CUX2: variants seen among roughly 807,000 people sequenced by gnomAD.
CUX2 encodes homeobox protein cut-like 2.
In CUX2, 40 loss-of-function variants were observed where a neutral mutation model predicts 144.8. The ratio of observed to expected loss-of-function variants is 0.28; its 90% CI spans 0.21 to 0.36. CUX2 has a LOEUF of 0.36. Ranked by LOEUF, CUX2 falls within the 10% of genes least tolerant of loss-of-function variation. CUX2 has a pLI of 1.00. For synonymous variants in CUX2, 827 were observed against 875.6 expected (o/e 0.94, Z 0.98); for missense variants, 1,615 against 1,994.0 (o/e 0.81, Z 3.62).
intron 18 of CUX2, among the ~76,000 whole-genome samples, chr12:111,333,447 C>T (rs1246122221): frequency 6.6e-6 from 1 of 152,106 alleles, no homozygotes; most frequent in African/African-American, 2.4e-5. Flanking sequence ...GATTCAAGAT[C>T]ACTTGTGTTT....
At position 111,214,190 on chromosome 12, in the gene CUX2, A is replaced by AT; in HGVS notation, c.64-8dup. 1.2e-6 allele frequency: 1 copy of AT among 853,474 alleles called. No homozygotes were observed. The allele number at this position is 853,474 out of a possible 1,614,324, so 52.9% of individuals were successfully genotyped here. On this transcript the variant is annotated splice_polypyrimidine_tract_variant and intron_variant, in intron 1 of 21. Transcript: ENST00000261726. Reference sequence around the variant, plus strand: ...CTCTCTCTCTTTTTTTTTTTTTTTTATTGTTCCAGAAGGAGCTTAATTCCG... The same window carrying AT: ...CTCTCTCTCTTTTTTTTTTTTTTTTATTTGTTCCAGAAGGAGCTTAATTCCG...
intron 1 of CUX2, among the ~76,000 whole-genome samples, chr12:111,115,830 A>G (rs932990753): frequency 1.9e-4 from 29 of 152,214 alleles, no homozygotes; most frequent in Admixed American, 1.9e-3. Flanking sequence ...CCACTAGACC[A>G]TAAGTTCCAT....
chr12:111,106,266 AC>A (rs1389359200), intron 1 of CUX2, among the ~76,000 whole-genome samples: 1 of 151,938 alleles, frequency 6.6e-6, no homozygotes, highest in Non-Finnish European at 1.5e-5. Flanking sequence ...TGCTGGGATT[AC>A]AGGCATGACC....
intron 4 of CUX2, among the ~76,000 whole-genome samples, chr12:111,264,851 GA>G (rs1422614142): frequency 6.6e-6 from 1 of 152,030 alleles, no homozygotes; most frequent in Non-Finnish European, 1.5e-5. Context: ...CATAGTGTAG[GA>G]TTTCATTTAC....
In CUX2 at chr12:111,340,360, T is replaced by C. The variant is rs564526212; in HGVS notation, c.3386-1420T>C. ...AGTAAGTCATTTAAGTTACTGTCCC[T>C]ACCTATTGCCCACTGAAGGCTGTTC... On this transcript the variant is annotated intron_variant, in intron 20 of 21. Coordinates refer to ENST00000261726, the MANE Select transcript of CUX2 (RefSeq NM_015267.4). 2.0e-5 allele frequency among the ~76,000 whole-genome samples: 3 copies of C among 152,286 alleles called. No individual in the cohort carries two copies. The East Asian group carries it at 5.8e-4, about 29-fold the overall frequency.
chr12:111,074,987 G>A (rs1333047730), intron 1 of CUX2, among the ~76,000 whole-genome samples: 2 of 152,194 alleles, frequency 1.3e-5, no homozygotes, highest in African/African-American at 2.4e-5. Context: ...GAGCCTTAGG[G>A]ATTCTGGGTT....
At position 111,246,845 on chromosome 12, in the gene CUX2, C is replaced by T. The variant is rs1883303943; in HGVS notation, c.223-16916C>T. On this transcript the variant is annotated intron_variant, in intron 3 of 21. Transcript: ENST00000261726. This position sits in a 1 kb window ranked among gnomAD's most constrained non-coding sequence, Gnocchi z 4.0. ...CCTCCTAGCTGTGCCCTGCAGGGTA[C>T]ATGACTCCGTCCTTGACTGTCCCTC... Among the ~76,000 whole-genome samples the T allele has an allele frequency of 6.6e-6, 1 of 152,160 alleles. No homozygotes were observed. Among genetic ancestry groups the T allele is most frequent in the South Asian group, 2.1e-4 (1 of 4,818 alleles).
rs1478205680 is a variant in CUX2 at position 111,186,569 on chromosome 12, A to T, written c.64-27631A>T. Among the ~76,000 whole-genome samples, 2 of 152,086 alleles carry T rather than the reference A, an allele frequency of 1.3e-5. No individual in the cohort carries two copies. The highest frequency in any genetic ancestry group is 2.9e-5 in the Non-Finnish European group (2 of 67,998). On this transcript the variant is annotated intron_variant, in intron 1 of 21. Transcript: ENST00000261726. This position sits in a 1 kb window ranked among gnomAD's most constrained non-coding sequence, Gnocchi z 4.4. Reference sequence around the variant, plus strand: ...AGGACCCATGGTTGCTGAGAGAGAGAAGGGCGACTCTGTGGCGTGAGGCTC... The same window carrying T: ...AGGACCCATGGTTGCTGAGAGAGAGTAGGGCGACTCTGTGGCGTGAGGCTC...
At chr12:111,197,212 G>C (rs1223973127) in intron 1 of CUX2, among the ~76,000 whole-genome samples, 1 of 152,206 alleles carries the variant, frequency 6.6e-6, no homozygotes, top group Non-Finnish European at 1.5e-5. Flanking sequence ...ACTGCTGTGA[G>C]GCTCAGAGAA....
rs570365515 is a variant in CUX2, at chr12:111,185,052, A to C, written c.64-29148A>C. On this transcript the variant is annotated intron_variant, in intron 1 of 21. Coordinates refer to ENST00000261726, the MANE Select transcript of CUX2 (RefSeq NM_015267.4). ...GCACTCCAGCCTGGGCTACAGAGTG[A>C]GACTCTGTCTCAAAAAAAAAGGCAC... Among the ~76,000 whole-genome samples the C allele has an allele frequency of 2.6e-5, 4 of 152,326 alleles. No homozygotes were observed. In the East Asian group the frequency reaches 5.8e-4, roughly 22 times the overall value.
At chr12:111,292,426 C>G (rs1250787898) in intron 5 of CUX2, among the ~76,000 whole-genome samples, 1 of 152,032 alleles carries the variant, frequency 6.6e-6, no homozygotes, top group Non-Finnish European at 1.5e-5. Flanking sequence ...CCTGTCTCTA[C>G]TAAAAATACA....
chr12:111,133,569 G>A (rs1875647053), intron 1 of CUX2, among the ~76,000 whole-genome samples: 1 of 152,158 alleles, frequency 6.6e-6, no homozygotes, highest in African/African-American at 2.4e-5. Context: ...CTCCCTTTGG[G>A]TCCCTCCCAC....
chr12:111,261,318 C>T (rs1452083381), intron 3 of CUX2, among the ~76,000 whole-genome samples: 2 of 152,142 alleles, frequency 1.3e-5, no homozygotes, highest in Admixed American at 1.3e-4. Context: ...ATAGTAAAAG[C>T]TTCTGGCACA....
intron 1 of CUX2, among the ~76,000 whole-genome samples, chr12:111,048,925 G>A (rs1189941609): frequency 3.9e-5 from 6 of 152,058 alleles, no homozygotes; most frequent in African/African-American, 1.2e-4. Flanking sequence ...GGAAGTAGCA[G>A]GGGTTGGGGG....
intron 1 of CUX2, among the ~76,000 whole-genome samples, chr12:111,117,342 A>G (rs1446665456): frequency 6.6e-6 from 1 of 152,214 alleles, no homozygotes; most frequent in Non-Finnish European, 1.5e-5. Context: ...TTAGGGACCC[A>G]GGCTGATGGT....
intron 1 of CUX2, among the ~76,000 whole-genome samples, chr12:111,137,823 C>T (rs1876011074): frequency 6.6e-6 from 1 of 152,230 alleles, no homozygotes; most frequent in Admixed American, 6.5e-5. Context: ...ACAGCCCACC[C>T]AGAATTTGCT....
intron 1 of CUX2, among the ~76,000 whole-genome samples, chr12:111,099,053 G>A (rs76708944): frequency 0.027 from 4,174 of 152,320 alleles, 187 homozygotes; most frequent in African/African-American, 0.094. Context: ...GAAGGCCAAG[G>A]AAGTCTCCCA....
At chr12:111,191,576 T>C (rs1270900415) in intron 1 of CUX2, among the ~76,000 whole-genome samples, 4 of 152,154 alleles carry the variant, frequency 2.6e-5, no homozygotes, top group African/African-American at 9.7e-5. Context: ...TCTGCCTACC[T>C]TGGCCCCCCA....
At chr12:111,325,626 G>C (rs186861049) in intron 18 of CUX2, among the ~76,000 whole-genome samples, 3 of 139,098 alleles carry the variant, frequency 2.2e-5, no homozygotes, top group Non-Finnish European at 4.7e-5. Context: ...TAGTGTTGTG[G>C]TGGGGAGGGG....
Sources: gnomAD v4.1 joint callset for allele counts (sites outside exome capture counted in the v4.1 genomes callset) on GRCh38, gnomAD v4.1.1 for gene constraint, Gnocchi (gnomAD v3.1) non-coding constraint, MANE v1.5 for transcripts, NCBI Gene and HGNC (gene_info 2026-07-23, HGNC 2026-07-21) for gene names.